ITPR3: variants seen among roughly 807,000 people sequenced by gnomAD.
The protein encoded by ITPR3 is inositol 1,4,5-trisphosphate receptor type 3.
In ITPR3, 173 loss-of-function variants were observed where a neutral mutation model predicts 293.2. The observed-to-expected ratio is 0.59, with a 90% CI of 0.52 to 0.67. ITPR3 has a LOEUF of 0.67. ITPR3 is among the 30% of genes least tolerant of loss of function. The pLI is 0.00. For missense variants in ITPR3, 2,796 were observed against 3,592.1 expected (o/e 0.78, Z 5.66); for synonymous variants, 1,295 against 1,444.4 (o/e 0.90, Z 2.35).
rs1440601001 is a variant in ITPR3 at position 33,695,954 on chromosome 6, C to G, written c.*174C>G. On this transcript the variant is annotated 3_prime_UTR_variant, in exon 58 of 58. Transcript: ENST00000605930. ...TTTGAAGAGCATGGAGGGGGAGCCT[C>G]AGAGCTGACAGTCCTGCTTAGAGCC... is the stretch of plus-strand genomic sequence containing the variant. 1.6e-6 allele frequency: 1 copy of G among 616,032 alleles called. No individual in the cohort carries two copies. The highest frequency in any genetic ancestry group is 1.8e-5 in the African/African-American group (1 of 54,394). 38.2% of individuals were successfully genotyped at this position (616,032 alleles called of 1,614,324 possible).
chr6:33,680,706 C>G, intron 33 of ITPR3, 26 bp downstream of exon 33: 1 of 1,596,888 alleles, frequency 6.3e-7, no homozygotes, highest in South Asian at 1.1e-5. Context: ...CCCACCACCC[C>G]AGGGCCGACT....
chr6:33,627,224 T>C (rs895329150), intron 1 of ITPR3, among the ~76,000 whole-genome samples: 3 of 86,284 alleles, frequency 3.5e-5, no homozygotes, highest in Non-Finnish European at 6.8e-5. Flanking sequence ...AAAATATATA[T>C]ATTTTTTCAG....
rs767837123 is a variant in ITPR3 at position 33,683,183 on chromosome 6, A to T, written c.4598-24A>T. 1 of 1,485,230 alleles carries T rather than the reference A, an allele frequency of 6.7e-7. No individual in the cohort carries two copies. The highest frequency in any genetic ancestry group is 1.4e-5 in the African/African-American group (1 of 71,668). The allele number at this position is 1,485,230 out of a possible 1,614,324, so 92.0% of individuals were successfully genotyped here. ...TGAACTGCCCCCGCACCAGCACTCC[A>T]GCACTCCCTCCCTTCCCACCCAGCC... On this transcript the variant is annotated intron_variant, in intron 34 of 57. Coordinates refer to ENST00000605930, the MANE Select transcript of ITPR3 (RefSeq NM_002224.4). This position sits in a 1 kb window ranked among gnomAD's most constrained non-coding sequence, Gnocchi z 4.5.
rs370463066 is a variant in ITPR3 at position 33,680,577 on chromosome 6, G to A, written c.4373G>A (p.Arg1458His). The A allele has an allele frequency of 5.7e-5, 92 of 1,613,916 alleles. No individual in the cohort carries two copies. The highest frequency in any genetic ancestry group is 1.6e-4 in the South Asian group (15 of 91,090). ...MARVCSKREK[R>H]VADPTLEKYV... ...CAGGTCTGCAGCAAGCGTGAGAAGC[G>A]CGTGGCTGACCCCACCTTGGAGAAG... Residue 1458 changes from arginine to histidine, a missense_variant, in exon 33 of 58, where the codon CGC becomes CAC. By Grantham distance (29) the Arg-to-His change is conservative (BLOSUM62 0). Transcript: ENST00000605930.
rs1476297392 is a variant in ITPR3, at chr6:33,670,964, G to A, written c.2586+149G>A. On this transcript the variant is annotated intron_variant, in intron 20 of 57. Transcript: ENST00000605930. The surrounding 1 kb of genome is among the most constrained non-coding windows in gnomAD (Gnocchi z 6.7). ...CCAGTGCAGGGGGACCGCATAGAAG[G>A]CTGGGATTCTCCAAGAGGCAGGCTC... 4.9e-5 allele frequency: 65 copies of A among 1,313,614 alleles called. No individual in the cohort carries two copies. The highest frequency in any genetic ancestry group is 7.0e-5 in the East Asian group (3 of 43,076). The allele number at this position is 1,313,614 out of a possible 1,614,324, so 81.4% of individuals were successfully genotyped here.
chr6:33,677,672 C>T (rs1333499696), intron 28 of ITPR3, 43 bp downstream of exon 28: 12 of 1,604,304 alleles, frequency 7.5e-6, no homozygotes, highest in Non-Finnish European at 1.0e-5. Context: ...GGTGGCTTCC[C>T]CCTGAACCCC....
At chr6:33,693,033 G>C in intron 55 of ITPR3, 140 bp downstream of exon 55, 10 of 777,200 alleles carry the variant, frequency 1.3e-5, no homozygotes, top group Non-Finnish European at 1.8e-5. Flanking sequence ...GCTCATCCCA[G>C]AACTGGGGAG....
rs1333104072 is a variant in ITPR3, at chr6:33,683,800, A to G, written c.4789-220A>G. Among the ~76,000 whole-genome samples, 1 of 152,166 alleles carries G rather than the reference A, an allele frequency of 6.6e-6. No individual in the cohort carries two copies. Among genetic ancestry groups the G allele is most frequent in the Non-Finnish European group, 1.5e-5 (1 of 68,004 alleles). On this transcript the variant is annotated intron_variant, in intron 35 of 57. Transcript: ENST00000605930. This position sits in a 1 kb window ranked among gnomAD's most constrained non-coding sequence, Gnocchi z 4.5. ...TCAGAGAGGCTAAGGGGTTTGCCCA[A>G]GGTCACACAGAGCTGGGAGAGAAGC...
chr6:33,659,431 C>T, intron 6 of ITPR3, 35 bp from the exon 7 acceptor site: 2 of 1,593,390 alleles, frequency 1.3e-6, no homozygotes, highest in Non-Finnish European at 1.7e-6. Flanking sequence ...GGCTGGGGTC[C>T]ACCTGGCGTC....
At chr6:33,659,410 G>A in intron 6 of ITPR3, 56 bp from the exon 7 acceptor site, 2 of 1,485,156 alleles carry the variant, frequency 1.3e-6, no homozygotes, top group East Asian at 4.5e-5. Flanking sequence ...GCCCTGCTCT[G>A]GGCCCTCAGT....
At chr6:33,627,198 T>C (rs1285112282) in intron 1 of ITPR3, among the ~76,000 whole-genome samples, 1 of 151,838 alleles carries the variant, frequency 6.6e-6, no homozygotes, top group Admixed American at 6.6e-5. Flanking sequence ...GCCTAATCCA[T>C]GCAACTCATT....
rs374113571 is a variant in ITPR3, at chr6:33,692,747, G to T, written c.7478G>T (p.Arg2493Leu). 6.2e-7 allele frequency: 1 copy of T among 1,613,924 alleles called. No individual in the cohort carries two copies. The highest frequency in any genetic ancestry group is 1.3e-5 in the African/African-American group (1 of 74,870). Reference protein sequence around the residue: ...PSKDESLFPARVVYDLLFFFI... With the variant: ...PSKDESLFPALVVYDLLFFFI... ...CTGCAGGAGTCTCTCTTCCCAGCCC[G>T]AGTGGTCTATGACCTCCTGTTCTTC... The change falls in exon 55 of 58, where the codon CGA becomes CTA. Residue 2493 changes from arginine to leucine, a missense_variant. This residue lies in a region of ITPR3 where 568 missense variants were observed against 796.1 expected (regional missense o/e 0.71). Coordinates refer to ENST00000605930, the MANE Select transcript of ITPR3 (RefSeq NM_002224.4). The surrounding 1 kb of genome is among the most constrained non-coding windows in gnomAD (Gnocchi z 4.2).
At chr6:33,690,258 T>A in intron 51 of ITPR3, 60 bp downstream of exon 51, 6 of 1,499,934 alleles carry the variant, frequency 4.0e-6, no homozygotes, top group Non-Finnish European at 5.5e-6. Context: ...GGGCTTCCCA[T>A]GAGTTGTTGG....
intron 1 of ITPR3, among the ~76,000 whole-genome samples, chr6:33,628,903 T>C (rs1228863313): frequency 6.6e-6 from 1 of 152,180 alleles, no homozygotes; most frequent in African/African-American, 2.4e-5. Context: ...TCCTGCACAG[T>C]GCAGGAGAGC....
rs1381192692 is a variant in ITPR3, at chr6:33,685,578, A to T, written c.5482+45A>T. ...GGCACGGCGTGACGGGGATCCCAGG[A>T]TAAGATGTGCAGGGGGGTGGCCAAG... is the stretch of plus-strand genomic sequence containing the variant. On this transcript the variant is annotated intron_variant, in intron 40 of 57. Transcript: ENST00000605930. 1.9e-6 allele frequency: 3 copies of T among 1,599,684 alleles called. No individual in the cohort carries two copies. In the African/African-American group the frequency reaches 4.0e-5, roughly 21 times the overall value.
rs758766602 is a variant in ITPR3, at chr6:33,674,316, C to T, written c.3116+51C>T. The T allele has an allele frequency of 1.0e-5, 16 of 1,570,792 alleles. No homozygotes were observed. In the Admixed American group the frequency reaches 2.5e-4, roughly 25 times the overall value. On this transcript the variant is annotated intron_variant, in intron 24 of 57. Coordinates refer to ENST00000605930, the MANE Select transcript of ITPR3 (RefSeq NM_002224.4). ...GTGTGTGGGGTTGGGAGGCTCGACA[C>T]CCCCTCTTGGTCTGGTCTGGGTTCC... is the stretch of plus-strand genomic sequence containing the variant.
intron 55 of ITPR3, 83 bp from the exon 56 acceptor site, chr6:33,693,462 C>G: frequency 2.7e-6 from 4 of 1,492,316 alleles, no homozygotes; most frequent in Non-Finnish European, 3.7e-6. Flanking sequence ...CTCCAACCCC[C>G]GGAAGCTGGG....
Position 33,621,500 on chromosome 6 carries a change from AGCGTACCCCTCCCC to A in ITPR3, c.-100_-87del. The A allele has an allele frequency of 1.3e-6, 1 of 782,302 alleles. No individual in the cohort carries two copies. Among genetic ancestry groups the A allele is most frequent in the Non-Finnish European group, 2.1e-6 (1 of 474,752 alleles). The allele number at this position is 782,302 out of a possible 1,614,324, so 48.5% of individuals were successfully genotyped here. On this transcript the variant is annotated 5_prime_UTR_variant, in exon 1 of 58. Coordinates refer to ENST00000605930, the MANE Select transcript of ITPR3 (RefSeq NM_002224.4). This position sits in a 1 kb window ranked among gnomAD's most constrained non-coding sequence, Gnocchi z 7.7. ...ACCGAGCGTCGGGATCCGAGGTGGG[AGCGTACCCCTCCCC>A]GCTCCCCGGACGCCTCAGTCCTCCG...
At chr6:33,686,987 C>G in intron 43 of ITPR3, 22 bp from the exon 44 acceptor site, 1 of 1,596,394 alleles carries the variant, frequency 6.3e-7, no homozygotes, top group Non-Finnish European at 8.6e-7. Context: ...TGTGGCCTGC[C>G]TCCCTCTGCC....
Sources: allele counts gnomAD v4.1 joint callset (sites outside exome capture counted in the v4.1 genomes callset), GRCh38; gene constraint gnomAD v4.1.1; regional missense constraint gnomAD v4.1.1; non-coding constraint Gnocchi (gnomAD v3.1); transcripts MANE v1.5; gene names NCBI Gene and HGNC (gene_info 2026-07-23, HGNC 2026-07-21).